Variants in PPP2R5A observed in about 807,000 individuals in gnomAD.
PPP2R5A encodes serine/threonine-protein phosphatase 2A 56 kDa regulatory subunit alpha isoform.
In PPP2R5A, 25 loss-of-function variants were observed where a neutral mutation model predicts 64.2. The observed-to-expected ratio is 0.39, with a 90% confidence interval of 0.28 to 0.54. The LOEUF is 0.54. Ranked by LOEUF, PPP2R5A falls within the 20% of genes least tolerant of loss-of-function variation. The pLI, the probability that PPP2R5A is intolerant of heterozygous loss-of-function variation, is 0.67. For missense variants in PPP2R5A, 425 were observed against 576.3 expected (o/e 0.74, Z 2.69); for synonymous variants, 198 against 201.2 (o/e 0.98, Z 0.13).
At position 212,303,620 on chromosome 1, in the gene PPP2R5A, G is replaced by A. The variant is rs540572087; in HGVS notation, c.181+17329G>A. Among the ~76,000 whole-genome samples, 4 of 152,098 alleles carry A rather than the reference G, an allele frequency of 2.6e-5. No homozygotes were observed. The East Asian group carries it at 7.7e-4, about 29-fold the overall frequency. On this transcript the variant is annotated intron_variant, in intron 1 of 12. Transcript: ENST00000261461. Reference sequence around the variant, plus strand: ...TTTCTAAGGATCCTTTCCCAGATATGAGGCTATGAAGATTTACTCTGTGTT... The same window carrying A: ...TTTCTAAGGATCCTTTCCCAGATATAAGGCTATGAAGATTTACTCTGTGTT...
In PPP2R5A at chr1:212,327,307, GA is replaced by G. The variant is rs544116818; in HGVS notation, c.182-1826del. The stretch of plus-strand genomic sequence containing the variant: ...TCCTTGTTTATAGAATGAAAGTTCG[GA>G]AGTGAAGTTTTATGGTTTTGAAGGT... On this transcript the variant is annotated intron_variant, in intron 1 of 12. Transcript: ENST00000261461. Among the ~76,000 whole-genome samples the G allele has an allele frequency of 1.1e-4, 16 of 152,316 alleles. No homozygotes were observed. In the East Asian group the frequency reaches 2.7e-3, roughly 26 times the overall value.
intron 1 of PPP2R5A, among the ~76,000 whole-genome samples, chr1:212,312,444 A>G (rs1351769931): frequency 1.3e-5 from 2 of 152,232 alleles, no homozygotes; most frequent in African/African-American, 4.8e-5. Context: ...TTCAGAGGCT[A>G]TAAAAATGGC....
intron 1 of PPP2R5A, among the ~76,000 whole-genome samples, chr1:212,291,611 C>A (rs1658603479): frequency 6.6e-6 from 1 of 152,198 alleles, no homozygotes; most frequent in African/African-American, 2.4e-5. Flanking sequence ...CTCTGATACT[C>A]ATGGTTCATT....
chr1:212,349,766 C>T (rs931664204), intron 8 of PPP2R5A, among the ~76,000 whole-genome samples: 4 of 152,120 alleles, frequency 2.6e-5, no homozygotes, highest in Non-Finnish European at 5.9e-5. Context: ...GCAACTTAGG[C>T]TTTGAATTCT....
At chr1:212,329,410 A>G in intron 2 of PPP2R5A, 79 bp downstream of exon 2, 1 of 1,217,720 alleles carries the variant, frequency 8.2e-7, no homozygotes, top group Non-Finnish European at 1.1e-6. Context: ...GACTGATTTT[A>G]AATAAATGTA....
intron 1 of PPP2R5A, among the ~76,000 whole-genome samples, chr1:212,292,486 A>G (rs1658617461): frequency 1.3e-5 from 1 of 76,128 alleles, no homozygotes; most frequent in African/African-American, 3.5e-5. Flanking sequence ...GTTGTCTTAT[A>G]GTCACTCCTT....
At chr1:212,317,235 T>C (rs1444214712) in intron 1 of PPP2R5A, among the ~76,000 whole-genome samples, 1 of 152,162 alleles carries the variant, frequency 6.6e-6, no homozygotes, top group Non-Finnish European at 1.5e-5. Context: ...GGTTTTTATC[T>C]CTTTTTTTTG....
In PPP2R5A at chr1:212,320,512, GTAGGGGCGGCCGGGCAGAGGCGCC is replaced by G. The variant is rs1462460928; in HGVS notation, c.182-8622_182-8599del. On this transcript the variant is annotated intron_variant, in intron 1 of 12. Coordinates refer to ENST00000261461, the MANE Select transcript of PPP2R5A (RefSeq NM_006243.4). ...GGACAGAGGGGCTCCTCACTTCCCA[GTAGGGGCGGCCGGGCAGAGGCGCC>G]CCTCACCTCCCAGACGGGGCGGCTG... is the stretch of plus-strand genomic sequence containing the variant. Among the ~76,000 whole-genome samples, 11 of 151,996 alleles carry G rather than the reference GTAGGGGCGGCCGGGCAGAGGCGCC, an allele frequency of 7.2e-5. No homozygotes were observed. In the South Asian group the frequency reaches 1.5e-3, roughly 20 times the overall value.
At chr1:212,298,838 G>A (rs1200327256) in intron 1 of PPP2R5A, among the ~76,000 whole-genome samples, 20 of 36,558 alleles carry the variant, frequency 5.5e-4, no homozygotes, top group Admixed American at 8.3e-4. Flanking sequence ...GGGCAGAGGC[G>A]CCCCTCACCT....
At chr1:212,332,511 T>C in intron 2 of PPP2R5A, among the ~76,000 whole-genome samples, 1 of 152,326 alleles carries the variant, frequency 6.6e-6, no homozygotes, top group South Asian at 2.1e-4. Context: ...AGCATGAAAT[T>C]ATAAATCCTT....
At chr1:212,287,598 A>G (rs1658526615) in intron 1 of PPP2R5A, among the ~76,000 whole-genome samples, 3 of 152,244 alleles carry the variant, frequency 2.0e-5, no homozygotes. Context: ...AGATTTTGAG[A>G]TATTAGTCTG....
intron 2 of PPP2R5A, 23 bp downstream of exon 2, chr1:212,329,354 C>T (rs1330577683): frequency 1.3e-5 from 19 of 1,470,532 alleles, no homozygotes; most frequent in Admixed American, 2.3e-5. Context: ...AATTATGTTC[C>T]TCAGATTTAT....
intron 8 of PPP2R5A, among the ~76,000 whole-genome samples, chr1:212,356,075 A>G (rs1408058819): frequency 2.0e-5 from 3 of 152,148 alleles, no homozygotes; most frequent in Non-Finnish European, 4.4e-5. Flanking sequence ...AAATAAATAA[A>G]TAAATAAAAA....
At chr1:212,333,415 T>C in intron 2 of PPP2R5A, 82 bp from the exon 3 acceptor site, 1 of 867,004 alleles carries the variant, frequency 1.2e-6, no homozygotes, top group East Asian at 2.9e-5. Context: ...TTTCTGAAAG[T>C]GATCTTTAAA....
At position 212,350,536 on chromosome 1, in the gene PPP2R5A, C is replaced by T. The variant is rs1659857189; in HGVS notation, c.927+1294C>T. The stretch of plus-strand genomic sequence containing the variant: ...GGGCATGGTGGCACAGGCCTGTGGT[C>T]CCAGCTACTCAGATGGCAAGGGCAC... On this transcript the variant is annotated intron_variant, in intron 8 of 12. Coordinates refer to ENST00000261461, the MANE Select transcript of PPP2R5A (RefSeq NM_006243.4). Among the ~76,000 whole-genome samples the T allele has an allele frequency of 2.0e-5, 3 of 152,038 alleles. No homozygotes were observed. The South Asian group carries it at 6.2e-4, about 32-fold the overall frequency.
chr1:212,347,267 A>C, intron 5 of PPP2R5A, 80 bp from the exon 6 acceptor site: 1 of 1,041,240 alleles, frequency 9.6e-7, no homozygotes, highest in Non-Finnish European at 1.5e-6. Flanking sequence ...CTTTGGATTG[A>C]TTTCTTCACC....
chr1:212,360,088 CAT>C (rs1660052786), intron 12 of PPP2R5A, among the ~76,000 whole-genome samples: 1 of 152,268 alleles, frequency 6.6e-6, no homozygotes, highest in East Asian at 1.9e-4. Flanking sequence ...GTTGAAACGA[CAT>C]ATGAAATATT....
At chr1:212,331,352 T>C (rs181356667) in intron 2 of PPP2R5A, 2 of 150,580 alleles carry the variant, frequency 1.3e-5, no homozygotes, top group Admixed American at 1.3e-4. Flanking sequence ...TTTTTTTTTT[T>C]AGAGGTGGAG....
Position 212,286,199 on chromosome 1 carries a change from G to T in PPP2R5A, c.89G>T (p.Arg30Leu), listed in dbSNP as rs768146082. 1 of 1,581,822 alleles carries T rather than the reference G, an allele frequency of 6.3e-7. No homozygotes were observed. Among genetic ancestry groups the T allele is most frequent in the Non-Finnish European group, 8.6e-7 (1 of 1,165,350 alleles). Residue 30 changes from arginine (R) to leucine (L), a missense_variant, in exon 1 of 13, where the codon CGC becomes CTC. Physicochemically the swap from Arg to Leu is moderately radical, Grantham distance 102 (BLOSUM62 -2). Transcript: ENST00000261461. ...GACGGCTTCACCCGGAAATCGGTCC[G>T]CAAGGCGCAGAGGCAGAAGCGCTCC... ...KVDGFTRKSVRKAQRQKRSQG... is the reference protein window; with the variant it reads ...KVDGFTRKSVLKAQRQKRSQG...
Sources: allele counts gnomAD v4.1 joint callset (sites outside exome capture counted in the v4.1 genomes callset), GRCh38; gene constraint gnomAD v4.1.1; transcripts MANE v1.5; gene names NCBI Gene and HGNC (gene_info 2026-07-23, HGNC 2026-07-21).